Variants in FAM107B observed in about 807,000 individuals in gnomAD.
The protein encoded by FAM107B is family with sequence similarity 107 member B, also known as protein FAM107B.
Under a neutral mutation model 31.5 loss-of-function variants are expected in FAM107B, and 21 were observed. The observed-to-expected ratio is 0.67, with a 90% confidence interval of 0.47 to 0.96. FAM107B has a LOEUF of 0.96. Among genes scored for constraint, FAM107B ranks in the 40% least tolerant of loss-of-function variants. The pLI is 0.00. For synonymous variants in FAM107B, 157 were observed against 141.5 expected (o/e 1.11, Z -0.78); for missense variants, 452 against 377.1 (o/e 1.20, Z -1.64).
chr10:14,651,007 A>G (rs1324408752), intron 2 of FAM107B, among the ~76,000 whole-genome samples: 1 of 151,874 alleles, frequency 6.6e-6, no homozygotes, highest in African/African-American at 2.4e-5. Context: ...CAAAAATGAT[A>G]CTCTTCCTAA....
At chr10:14,722,788 C>A (rs569023018) in intron 1 of FAM107B, among the ~76,000 whole-genome samples, 14 of 152,040 alleles carry the variant, frequency 9.2e-5, no homozygotes, top group East Asian at 3.9e-4. Flanking sequence ...CTTGATGGAG[C>A]CTTTTGAAGC....
intron 2 of FAM107B, among the ~76,000 whole-genome samples, chr10:14,599,853 C>CAAA (rs35147350): frequency 7.9e-6 from 1 of 126,034 alleles, no homozygotes. Context: ...CCTTGATCTA[C>CAAA]AAAAAAAAAA....
intron 1 of FAM107B, among the ~76,000 whole-genome samples, chr10:14,721,870 T>G (rs1017439394): frequency 1.3e-5 from 2 of 152,348 alleles, no homozygotes; most frequent in African/African-American, 4.8e-5. Context: ...TTTGTCTATT[T>G]TGGCTTTTGT....
At chr10:14,646,609 T>C (rs1588680361) in intron 2 of FAM107B, among the ~76,000 whole-genome samples, 1 of 152,314 alleles carries the variant, frequency 6.6e-6, no homozygotes, top group East Asian at 1.9e-4. Flanking sequence ...GTCTTTGCAA[T>C]TGTGAATTGT....
intron 2 of FAM107B, among the ~76,000 whole-genome samples, chr10:14,615,966 A>T (rs1476598801): frequency 9.9e-5 from 15 of 152,240 alleles, no homozygotes; most frequent in Non-Finnish European, 1.3e-4. Flanking sequence ...AATATGACGG[A>T]ATTACTTAGG....
At chr10:14,724,599 C>T (rs1300828258) in intron 1 of FAM107B, among the ~76,000 whole-genome samples, 1 of 151,996 alleles carries the variant, frequency 6.6e-6, no homozygotes, top group Non-Finnish European at 1.5e-5. Context: ...TCAACTCCAG[C>T]AATTGTCTGG....
intron 2 of FAM107B, among the ~76,000 whole-genome samples, chr10:14,535,982 TGTTGA>T (rs1317968662): frequency 6.6e-6 from 1 of 152,258 alleles, no homozygotes; most frequent in Non-Finnish European, 1.5e-5. Flanking sequence ...CAGGTACTTC[TGTTGA>T]CTGCTTTCCA....
chr10:14,691,727 T>C (rs572160975), intron 1 of FAM107B, among the ~76,000 whole-genome samples: 119 of 151,960 alleles, frequency 7.8e-4, no homozygotes, highest in African/African-American at 2.4e-3. Context: ...ACCCCATCTC[T>C]ACTGAAAATA....
intron 2 of FAM107B, among the ~76,000 whole-genome samples, chr10:14,666,746 C>G (rs1854413457): frequency 6.6e-6 from 1 of 152,068 alleles, no homozygotes; most frequent in African/African-American, 2.4e-5. Flanking sequence ...GATGGGGGTA[C>G]AGGGAACTTG....
intron 1 of FAM107B, among the ~76,000 whole-genome samples, chr10:14,771,239 C>T (rs1267770777): frequency 2.0e-5 from 3 of 152,184 alleles, no homozygotes; most frequent in African/African-American, 7.2e-5. Flanking sequence ...AGCTTTGTCA[C>T]TCACAGGATG....
chr10:14,590,831 A>C (rs997954912), intron 2 of FAM107B, among the ~76,000 whole-genome samples: 1 of 151,552 alleles, frequency 6.6e-6, no homozygotes, highest in African/African-American at 2.4e-5. Context: ...AAAAAAAAAA[A>C]ACACAAAATT....
At chr10:14,596,363 G>A (rs1393146418) in intron 2 of FAM107B, among the ~76,000 whole-genome samples, 1 of 152,104 alleles carries the variant, frequency 6.6e-6, no homozygotes, top group African/African-American at 2.4e-5. Context: ...TAAACTCCAT[G>A]CAGGCAGGGA....
chr10:14,594,589 C>G (rs1260256694), intron 2 of FAM107B, among the ~76,000 whole-genome samples: 1 of 151,772 alleles, frequency 6.6e-6, no homozygotes, highest in Non-Finnish European at 1.5e-5. Context: ...TACGAAGACA[C>G]AAGCCTCAAA....
chr10:14,535,311 G>A (rs1420664216), intron 2 of FAM107B, among the ~76,000 whole-genome samples: 1 of 152,144 alleles, frequency 6.6e-6, no homozygotes, highest in Non-Finnish European at 1.5e-5. Context: ...AATGAATGCT[G>A]TAAAAACTGA....
chr10:14,628,112 G>GTTTGTTTTTTTTTTTTTTTTTTTTTTTT (rs1853214089), intron 2 of FAM107B, among the ~76,000 whole-genome samples: 2 of 92,676 alleles, frequency 2.2e-5, no homozygotes, highest in East Asian at 4.4e-4. Context: ...TGTTTTGCTG[G>GTTTGTTTTTTTTTTTTTTTTTTTTTTTT]TTTTTTTTTT....
chr10:14,533,120 C>T (rs775189313), intron 2 of FAM107B, among the ~76,000 whole-genome samples: 16 of 152,208 alleles, frequency 1.1e-4, no homozygotes, highest in Admixed American at 2.0e-4. Flanking sequence ...AGAGTAATGA[C>T]GGTATCTGAC....
intron 2 of FAM107B, among the ~76,000 whole-genome samples, chr10:14,653,539 C>G (rs766653198): frequency 1.4e-4 from 22 of 152,188 alleles, no homozygotes; most frequent in Non-Finnish European, 2.5e-4. Context: ...GGTTCGGGAA[C>G]TTTTCCTGAG....
In FAM107B at chr10:14,773,731, A is replaced by G. The variant is rs976118028; in HGVS notation, c.411+522T>C. 3.3e-5 allele frequency among the ~76,000 whole-genome samples: 5 copies of G among 152,272 alleles called. 1 individual carries two copies. In the South Asian group the frequency reaches 1.0e-3, roughly 32 times the overall value. On this transcript the variant is annotated intron_variant, in intron 1 of 4. Transcript: ENST00000181796. ...AAACATCCATATTATGAATAGTTTTATAGGTCAGTTCCCTTCCGTACCACT... is the reference window on the plus strand; with the variant it reads ...AAACATCCATATTATGAATAGTTTTGTAGGTCAGTTCCCTTCCGTACCACT...
chr10:14,741,914 C>G (rs989523486), intron 1 of FAM107B, among the ~76,000 whole-genome samples: 2 of 151,726 alleles, frequency 1.3e-5, no homozygotes, highest in Non-Finnish European at 2.9e-5. Flanking sequence ...CTACTAAACC[C>G]CATGTTAGCC....
Sources: gnomAD v4.1 joint callset for allele counts (sites outside exome capture counted in the v4.1 genomes callset) on GRCh38, gnomAD v4.1.1 for gene constraint, MANE v1.5 for transcripts, NCBI Gene and HGNC (gene_info 2026-07-23, HGNC 2026-07-21) for gene names.